The following PRKAR1A variants were observed in gnomAD, a reference collection of about 807,000 sequenced individuals.
PRKAR1A encodes the protein protein kinase cAMP-dependent type I regulatory subunit alpha, also known as cAMP-dependent protein kinase type I-alpha regulatory subunit.
PRKAR1A carries 3 observed loss-of-function variants against 52.0 expected under a neutral mutation model. That is an observed-to-expected ratio of 0.06 (90% CI 0.03 to 0.15). The LOEUF (loss-of-function observed/expected upper bound fraction) is 0.15. Ranked by LOEUF, PRKAR1A falls within the 10% of genes least tolerant of loss-of-function variation. PRKAR1A has a pLI of 1.00. For missense variants in PRKAR1A, 240 were observed against 477.4 expected, an observed-to-expected ratio of 0.50 and a Z score of 4.63; for synonymous variants, 188 against 168.4, an observed-to-expected ratio of 1.12 and a Z score of -0.90.
chr17:68,489,339 GTA>G, the PRKAR1A span, among the ~76,000 whole-genome samples: 9,281 of 21,804 alleles, frequency 0.43, 2,577 homozygotes, highest in Non-Finnish European at 0.47. Context: ...TATATGGAAA[GTA>G]TATATATATA....
Position 68,522,930 on chromosome 17 carries a change from G to A in PRKAR1A, c.348+4G>A, listed in dbSNP as rs2143275907. ...TGCGGCATCCTATGTTAGAAAGGTA[G>A]TTTTGATATTTGAATATCGGGGGGA... On this transcript the variant is annotated splice_donor_region_variant and intron_variant, in intron 3 of 10. Coordinates refer to ENST00000589228, the MANE Select transcript of PRKAR1A (RefSeq NM_002734.5). 1 of 1,613,464 alleles carries A rather than the reference G, an allele frequency of 6.2e-7. No individual in the cohort carries two copies. Among genetic ancestry groups the A allele is most frequent in the Admixed American group, 1.7e-5 (1 of 60,022 alleles).
At chr17:68,433,663 A>G in the PRKAR1A span, 1 of 1,074,764 alleles carries the variant, frequency 9.3e-7, no homozygotes. Flanking sequence ...TAAGAAAATC[A>G]GATGTATCCT....
the PRKAR1A span, among the ~76,000 whole-genome samples, chr17:68,472,202 T>G: frequency 2.0e-5 from 3 of 152,146 alleles, no homozygotes; most frequent in Non-Finnish European, 4.4e-5. Context: ...ACCCCTTTCT[T>G]CTGTGGCCCA....
intron 2 of PRKAR1A, 167 bp downstream of exon 2, chr17:68,515,743 A>G (rs1400265647): frequency 9.2e-6 from 8 of 867,248 alleles, no homozygotes; most frequent in Non-Finnish European, 1.4e-5. Context: ...AGTAATTTAA[A>G]AATTCTTAAT....
chr17:68,524,360 T>C (rs2085716126), intron 5 of PRKAR1A, among the ~76,000 whole-genome samples: 1 of 152,196 alleles, frequency 6.6e-6, no homozygotes, highest in Admixed American at 6.5e-5. Flanking sequence ...CAGAATCATA[T>C]ATATCTCTCA....
At chr17:68,414,576 T>C in the PRKAR1A span, among the ~76,000 whole-genome samples, 2 of 152,188 alleles carry the variant, frequency 1.3e-5, no homozygotes, top group African/African-American at 2.4e-5. Context: ...CTCTTTGTCA[T>C]GTGGAATAGT....
chr17:68,480,748 T>A, the PRKAR1A span, among the ~76,000 whole-genome samples: 1 of 152,140 alleles, frequency 6.6e-6, no homozygotes, highest in African/African-American at 2.4e-5. Flanking sequence ...TGGGGATTCA[T>A]TATGTTCCCC....
chr17:68,448,948 TTC>T, the PRKAR1A span, among the ~76,000 whole-genome samples: 2 of 152,340 alleles, frequency 1.3e-5, no homozygotes, highest in African/African-American at 4.8e-5. Flanking sequence ...AAGGTCCCAC[TTC>T]TCTTTCTCCA....
chr17:68,418,626 G>C, the PRKAR1A span, among the ~76,000 whole-genome samples: 1 of 152,216 alleles, frequency 6.6e-6, no homozygotes, highest in Non-Finnish European at 1.5e-5. Flanking sequence ...TGCCCCTATA[G>C]ACTTCCTTGT....
At chr17:68,497,209 C>T in the PRKAR1A span, among the ~76,000 whole-genome samples, 2 of 152,152 alleles carry the variant, frequency 1.3e-5, no homozygotes, top group Admixed American at 6.5e-5. Flanking sequence ...TTAAAGTGTC[C>T]ATAAGTCAAC....
chr17:68,542,061 G>A lies in PRKAR1A; in HGVS notation c.974-9023G>A, dbSNP rs1460123899. On this transcript the variant is annotated intron_variant, in intron 11 of 11. Transcript: ENST00000585981. ...AGCCTGGGGGCCAGGTTGAGGGACG[G>A]CAGGAAGGCAGAGAGGGAACCCTCC... The A allele has an allele frequency of 1.9e-6, 3 of 1,614,012 alleles. No individual in the cohort carries two copies. Among genetic ancestry groups the A allele is most frequent in the Non-Finnish European group, 2.5e-6 (3 of 1,179,884 alleles).
chr17:68,499,815 T>G, the PRKAR1A span, among the ~76,000 whole-genome samples: 2 of 152,206 alleles, frequency 1.3e-5, no homozygotes, highest in Non-Finnish European at 2.9e-5. Flanking sequence ...CAGCCAGTGG[T>G]GTAGGTGAAT....
the PRKAR1A span, chr17:68,422,719 ACT>A: frequency 8.4e-6 from 1 of 119,040 alleles, no homozygotes; most frequent in Non-Finnish European, 1.6e-5. Context: ...ACAGAGTGAG[ACT>A]CTATCATCTC....
chr17:68,477,697 G>GT, the PRKAR1A span, among the ~76,000 whole-genome samples: 86,005 of 146,896 alleles, frequency 0.59, 25,338 homozygotes, highest in South Asian at 0.65. Context: ...TTTTATTCTT[G>GT]TTTTTTTTTT....
the PRKAR1A span, among the ~76,000 whole-genome samples, chr17:68,472,353 T>C: frequency 6.6e-6 from 1 of 152,106 alleles, no homozygotes; most frequent in African/African-American, 2.4e-5. Flanking sequence ...CACCCCTCCA[T>C]GTTCTGGGGG....
intron 11 of PRKAR1A, chr17:68,550,971 C>A: frequency 1.0e-6 from 1 of 961,764 alleles, no homozygotes; most frequent in Non-Finnish European, 1.4e-6. Flanking sequence ...CCTTGAATGG[C>A]TGAAGGTTTG....
At chr17:68,536,659 T>C (rs1242797128), downstream of PRKAR1A, 1 of 452,748 alleles carries the variant, frequency 2.2e-6, no homozygotes, top group East Asian at 6.9e-5. Flanking sequence ...CAGCCTTGGC[T>C]CTTTTCCTGC....
the PRKAR1A span, among the ~76,000 whole-genome samples, chr17:68,478,002 G>A: frequency 6.6e-6 from 1 of 152,296 alleles, no homozygotes; most frequent in South Asian, 2.1e-4. Context: ...GGATTACAGA[G>A]GATGGCCGCT....
upstream of PRKAR1A, among the ~76,000 whole-genome samples, chr17:68,509,879 C>CTGG (rs1386469597): frequency 6.6e-6 from 1 of 152,136 alleles, no homozygotes; most frequent in African/African-American, 2.4e-5. Context: ...CGTGGCTGGA[C>CTGG]TGGCGCCTGC....
Sources: allele counts gnomAD v4.1 joint callset (sites outside exome capture counted in the v4.1 genomes callset), GRCh38; gene constraint gnomAD v4.1.1; transcripts MANE v1.5; gene names NCBI Gene and HGNC (gene_info 2026-07-23, HGNC 2026-07-21).